GRIK2: variants seen among roughly 807,000 people sequenced by gnomAD.
The protein encoded by GRIK2 is glutamate ionotropic receptor kainate type subunit 2.
GRIK2 carries 32 observed loss-of-function variants against 100.3 expected under a neutral mutation model. The ratio of observed to expected loss-of-function variants is 0.32; its 90% confidence interval spans 0.24 to 0.43. The LOEUF is 0.43. GRIK2 is among the 20% of genes least tolerant of loss of function. GRIK2 has a pLI of 1.00. For missense variants in GRIK2, 843 were observed against 1,114.9 expected (o/e 0.76, Z 3.47); for synonymous variants, 417 against 389.4 (o/e 1.07, Z -0.83).
chr6:101,752,896 A>G (rs899557497), intron 7 of GRIK2, among the ~76,000 whole-genome samples: 4 of 152,206 alleles, frequency 2.6e-5, no homozygotes, highest in African/African-American at 9.6e-5. Flanking sequence ...GAAAGAGAAA[A>G]TATTGTTAGA....
chr6:101,603,731 T>A lies in GRIK2; in HGVS notation c.116-18218T>A, dbSNP rs538374411. 2.0e-5 allele frequency among the ~76,000 whole-genome samples: 3 copies of A among 151,696 alleles called. No homozygotes were observed. The South Asian group carries it at 6.2e-4, about 31-fold the overall frequency. ...ATTCTCTGTTTGAGTGATGAAAGGG[T>A]CAGAAGCACAATTTATAGGTTAAAT... On this transcript the variant is annotated intron_variant, in intron 2 of 16. Transcript: ENST00000369134.
chr6:101,939,411 A>T (rs1448426292), intron 14 of GRIK2, among the ~76,000 whole-genome samples: 1 of 152,072 alleles, frequency 6.6e-6, no homozygotes, highest in African/African-American at 2.4e-5. Context: ...TTGAATTGTT[A>T]AATTTCGGTA....
chr6:101,856,878 T>C (rs1784451881), intron 10 of GRIK2, among the ~76,000 whole-genome samples: 1 of 152,030 alleles, frequency 6.6e-6, no homozygotes, highest in Non-Finnish European at 1.5e-5. Flanking sequence ...AATTAAGAGA[T>C]CAGCTGTATT....
chr6:101,557,666 G>A (rs199915396), intron 2 of GRIK2, among the ~76,000 whole-genome samples: 4 of 152,058 alleles, frequency 2.6e-5, no homozygotes, highest in East Asian at 1.9e-4. Context: ...CACAGAAGCC[G>A]CTCTATAAGA....
intron 11 of GRIK2, among the ~76,000 whole-genome samples, chr6:101,881,294 G>A (rs1336005774): frequency 6.6e-6 from 1 of 151,684 alleles, no homozygotes; most frequent in Non-Finnish European, 1.5e-5. Flanking sequence ...TTATATATAG[G>A]TAATTATCTT....
chr6:101,399,465 C>A (rs949215509), intron 2 of GRIK2, 73 bp downstream of exon 2: 1 of 800,732 alleles, frequency 1.2e-6, no homozygotes, highest in Non-Finnish European at 2.3e-6. Context: ...GCGGTTCGCT[C>A]TGCCTGGCGG....
intron 4 of GRIK2, among the ~76,000 whole-genome samples, chr6:101,659,818 A>G (rs897304601): frequency 3.9e-4 from 60 of 152,182 alleles, no homozygotes; most frequent in African/African-American, 1.4e-3. Flanking sequence ...TCTGGCTTGT[A>G]GGGCTTCTGA....
chr6:101,610,874 C>T (rs1779642531), intron 2 of GRIK2, among the ~76,000 whole-genome samples: 1 of 151,560 alleles, frequency 6.6e-6, no homozygotes, highest in Admixed American at 6.6e-5. Flanking sequence ...ATGTGACTAC[C>T]TTTCCTGTTA....
chr6:101,592,407 A>G (rs957929074), intron 2 of GRIK2, among the ~76,000 whole-genome samples: 1 of 151,556 alleles, frequency 6.6e-6, no homozygotes, highest in Non-Finnish European at 1.5e-5. Flanking sequence ...ATATCCTGAC[A>G]TCCTGGCATT....
chr6:101,497,596 A>C (rs972729128), intron 2 of GRIK2, among the ~76,000 whole-genome samples: 1 of 152,250 alleles, frequency 6.6e-6, no homozygotes, highest in Non-Finnish European at 1.5e-5. Context: ...TGAACCTACT[A>C]TACATCTTGT....
chr6:101,554,211 C>A (rs1047665326), intron 2 of GRIK2, among the ~76,000 whole-genome samples: 1 of 152,060 alleles, frequency 6.6e-6, no homozygotes, highest in African/African-American at 2.4e-5. Context: ...AGAATAGAGA[C>A]CCAATGTGAG....
intron 8 of GRIK2, among the ~76,000 whole-genome samples, chr6:101,800,892 C>G (rs1363028356): frequency 1.3e-5 from 2 of 151,908 alleles, no homozygotes; most frequent in Admixed American, 1.3e-4. Context: ...GTATGACATT[C>G]CCCATTGTAT....
At chr6:101,765,661 A>G (rs921188261) in intron 7 of GRIK2, among the ~76,000 whole-genome samples, 1 of 151,974 alleles carries the variant, frequency 6.6e-6, no homozygotes, top group African/African-American at 2.4e-5. Context: ...TAGTCAAGAT[A>G]TTTTTTTCCT....
chr6:101,810,661 G>A (rs911069629), intron 9 of GRIK2, among the ~76,000 whole-genome samples: 1 of 151,978 alleles, frequency 6.6e-6, no homozygotes, highest in Non-Finnish European at 1.5e-5. Flanking sequence ...ATGCTTAAGT[G>A]CTCTCTTTTC....
intron 2 of GRIK2, among the ~76,000 whole-genome samples, chr6:101,491,881 G>A (rs972871509): frequency 1.3e-5 from 2 of 151,282 alleles, no homozygotes; most frequent in Non-Finnish European, 3.0e-5. Context: ...ATATATATAT[G>A]TGTGTTTGAA....
chr6:101,921,430 T>G (rs1449828612), intron 12 of GRIK2, among the ~76,000 whole-genome samples: 1 of 152,110 alleles, frequency 6.6e-6, no homozygotes, highest in Admixed American at 6.6e-5. Context: ...AGAAAAATAT[T>G]AATTTGGAGG....
At chr6:101,766,907 A>G (rs1778075843) in intron 7 of GRIK2, among the ~76,000 whole-genome samples, 1 of 152,206 alleles carries the variant, frequency 6.6e-6, no homozygotes, top group South Asian at 2.1e-4. Flanking sequence ...CTGACACAGT[A>G]GATAAGATGG....
intron 15 of GRIK2, among the ~76,000 whole-genome samples, chr6:102,039,097 C>T (rs546365457): frequency 6.6e-6 from 1 of 151,508 alleles, no homozygotes; most frequent in East Asian, 2.0e-4. Context: ...TGCCATGCCT[C>T]CTTCTAATTG....
intron 2 of GRIK2, among the ~76,000 whole-genome samples, chr6:101,612,449 T>A (rs756067700): frequency 6.6e-6 from 1 of 151,880 alleles, no homozygotes; most frequent in South Asian, 2.1e-4. Flanking sequence ...ATGTAGCGTA[T>A]GATGTCAATA....
Sources: gnomAD v4.1 joint callset for allele counts (sites outside exome capture counted in the v4.1 genomes callset) on GRCh38, gnomAD v4.1.1 for gene constraint, MANE v1.5 for transcripts, NCBI Gene and HGNC (gene_info 2026-07-23, HGNC 2026-07-21) for gene names.